The following DNAH9 variants were observed in gnomAD, a reference collection of about 807,000 sequenced individuals.
DNAH9 encodes the protein DNAH9 variant protein.
A neutral mutation model predicts 471.6 loss-of-function variants in DNAH9; 345 were observed. The observed-to-expected ratio is 0.73, with a 90% CI of 0.67 to 0.80. DNAH9 has a LOEUF of 0.80. Among genes scored for constraint, DNAH9 ranks in the 30% least tolerant of loss-of-function variants. The pLI, the probability that DNAH9 is intolerant of heterozygous loss-of-function variation, is 0.00. For synonymous variants in DNAH9, 2,093 were observed against 2,123.6 expected (o/e 0.99, Z 0.40); for missense variants, 5,407 against 5,609.2 (o/e 0.96, Z 1.15).
chr17:11,949,908 TG>T (rs1455121699), intron 67 of DNAH9, among the ~76,000 whole-genome samples: 1 of 152,184 alleles, frequency 6.6e-6, no homozygotes, highest in East Asian at 1.9e-4. Flanking sequence ...AATTAGTATG[TG>T]TAAAATTATT....
chr17:11,924,031 C>T, intron 62 of DNAH9, 90 bp downstream of exon 62: 1 of 1,521,020 alleles, frequency 6.6e-7, no homozygotes, highest in Non-Finnish European at 8.9e-7. Flanking sequence ...CTTAGCTTCT[C>T]CCCATCTGTC....
intron 38 of DNAH9, among the ~76,000 whole-genome samples, chr17:11,769,554 G>A (rs1390632548): frequency 1.3e-5 from 2 of 152,106 alleles, no homozygotes; most frequent in African/African-American, 4.8e-5. Context: ...ATTCCTCCCT[G>A]GTCTGTTAAA....
rs1417021756 is a variant in DNAH9, at chr17:11,750,985, AATAAG to A, written c.6611-1842_6611-1838del. 5.3e-5 allele frequency among the ~76,000 whole-genome samples: 8 copies of A among 152,246 alleles called. No homozygotes were observed. In the South Asian group the frequency reaches 6.2e-4, roughly 12 times the overall value. On this transcript the variant is annotated intron_variant, in intron 32 of 68. Coordinates refer to ENST00000262442, the MANE Select transcript of DNAH9 (RefSeq NM_001372.4). ...TAAATATTGGTTCGCTGTAAAGACC[AATAAG>A]ATAAGTCTATTGTGAGAGTGATTAA... is the stretch of plus-strand genomic sequence containing the variant.
intron 27 of DNAH9, among the ~76,000 whole-genome samples, chr17:11,725,878 C>CA (rs1396647299): frequency 6.6e-6 from 1 of 151,810 alleles, no homozygotes; most frequent in Non-Finnish European, 1.5e-5. Flanking sequence ...AAAAAACAAA[C>CA]AAAAAAAATT....
At chr17:11,706,480 G>A (rs2074703638) in intron 26 of DNAH9, among the ~76,000 whole-genome samples, 1 of 152,072 alleles carries the variant, frequency 6.6e-6, no homozygotes, top group Non-Finnish European at 1.5e-5. Context: ...AAGGGGAAAA[G>A]TACAAGGCCA....
intron 45 of DNAH9, among the ~76,000 whole-genome samples, chr17:11,812,040 TATATATATATATATAC>T (rs1278186331): frequency 5.7e-5 from 4 of 69,728 alleles, no homozygotes; most frequent in Non-Finnish European, 8.5e-5. Context: ...TATATATATA[TATATATATATATATAC>T]ACATACATAC....
intron 38 of DNAH9, among the ~76,000 whole-genome samples, chr17:11,776,743 A>T (rs941495188): frequency 1.3e-5 from 2 of 152,184 alleles, no homozygotes; most frequent in African/African-American, 4.8e-5. Context: ...GAGCATATGG[A>T]TATCTTCTTC....
At chr17:11,696,357 C>A (rs936546834) in intron 22 of DNAH9, among the ~76,000 whole-genome samples, 1 of 152,118 alleles carries the variant, frequency 6.6e-6, no homozygotes, top group Admixed American at 6.5e-5. Context: ...GATTGATATA[C>A]CACAGTTTGG....
chr17:11,644,134 T>A (rs188601059), intron 10 of DNAH9, among the ~76,000 whole-genome samples: 12 of 152,288 alleles, frequency 7.9e-5, no homozygotes, highest in Admixed American at 7.8e-4. Flanking sequence ...AGTAATGCGT[T>A]GCACCATGTC....
chr17:11,810,395 C>T (rs1379636244), intron 45 of DNAH9, 26 bp downstream of exon 45: 5 of 1,601,772 alleles, frequency 3.1e-6, no homozygotes, highest in Non-Finnish European at 4.3e-6. Flanking sequence ...CACTTGGTGT[C>T]ACTGATAAAT....
rs915338833 is a variant in DNAH9 at position 11,931,662 on chromosome 17, A to G, written c.12106-352A>G. On this transcript the variant is annotated intron_variant, in intron 63 of 68. Transcript: ENST00000262442. ...ATGGTAGGAAGGGAAGATATTAGAG[A>G]TGGTGCCATGGCATGTGCACCCACA... 9.3e-4 allele frequency among the ~76,000 whole-genome samples: 141 copies of G among 152,180 alleles called. 2 individuals carry two copies. The highest frequency in any genetic ancestry group is 1.0e-3 in the African/African-American group (42 of 41,432).
chr17:11,946,285 G>A (rs1975120952), intron 67 of DNAH9, among the ~76,000 whole-genome samples: 3 of 149,958 alleles, frequency 2.0e-5, no homozygotes, highest in South Asian at 4.2e-4. Flanking sequence ...CACATCTTTA[G>A]AAACAGATTT....
At chr17:11,631,849 G>C (rs1448292222) in intron 7 of DNAH9, among the ~76,000 whole-genome samples, 1 of 151,404 alleles carries the variant, frequency 6.6e-6, no homozygotes, top group Non-Finnish European at 1.5e-5. Flanking sequence ...ATGCGTTACT[G>C]TTACAAAGCA....
At chr17:11,726,090 C>T (rs941216484) in intron 27 of DNAH9, among the ~76,000 whole-genome samples, 1 of 152,062 alleles carries the variant, frequency 6.6e-6, no homozygotes, top group African/African-American at 2.4e-5. Context: ...TATCATTATT[C>T]TGCTTGTATT....
chr17:11,888,682 G>C (rs1273395583), intron 57 of DNAH9, among the ~76,000 whole-genome samples: 1 of 152,164 alleles, frequency 6.6e-6, no homozygotes, highest in African/African-American at 2.4e-5. Flanking sequence ...TTTAAAAGCA[G>C]GTTAACTGCT....
At chr17:11,791,193 A>T (rs1044639467) in intron 41 of DNAH9, among the ~76,000 whole-genome samples, 1 of 152,146 alleles carries the variant, frequency 6.6e-6, no homozygotes, top group African/African-American at 2.4e-5. Flanking sequence ...TATTTTTAAA[A>T]AATTTTAGGA....
At chr17:11,966,592 T>C (rs1455186763) in intron 68 of DNAH9, among the ~76,000 whole-genome samples, 4 of 152,244 alleles carry the variant, frequency 2.6e-5, no homozygotes, top group African/African-American at 9.6e-5. Context: ...ATGCATCATT[T>C]GTAATTTTTA....
chr17:11,853,909 T>A, intron 49 of DNAH9, 94 bp from the exon 50 acceptor site: 1 of 1,262,484 alleles, frequency 7.9e-7, no homozygotes, highest in Non-Finnish European at 1.1e-6. Flanking sequence ...AGCAGCCCTT[T>A]CAAACCGATC....
intron 53 of DNAH9, among the ~76,000 whole-genome samples, chr17:11,878,408 ACCT>A (rs774940217): frequency 3.3e-5 from 5 of 152,094 alleles, no homozygotes; most frequent in East Asian, 1.9e-4. Context: ...GTGAGGTTTT[ACCT>A]ACTACAGTTC....
Sources: gnomAD v4.1 joint callset for allele counts (sites outside exome capture counted in the v4.1 genomes callset) on GRCh38, gnomAD v4.1.1 for gene constraint, MANE v1.5 for transcripts, NCBI Gene and HGNC (gene_info 2026-07-23, HGNC 2026-07-21) for gene names.